The following EYS variants were observed in gnomAD, a reference collection of about 807,000 sequenced individuals.
The protein encoded by EYS is protein eyes shut homolog.
In EYS, 250 loss-of-function variants were observed where a neutral mutation model predicts 282.1. That is an observed-to-expected ratio of 0.89 (90% CI 0.80 to 0.98). The LOEUF (loss-of-function observed/expected upper bound fraction) is 0.98, where lower values mean the gene tolerates loss of function less well. Ranked by LOEUF, EYS falls within the 50% of genes least tolerant of loss-of-function variation. The pLI, the probability that EYS is intolerant of heterozygous loss-of-function variation, is 0.00. For missense variants in EYS, 4,016 were observed against 3,709.0 expected (o/e 1.08, Z -2.15); for synonymous variants, 1,355 against 1,282.9 (o/e 1.06, Z -1.20).
At chr6:63,863,668 C>CTTT (rs201931771) in intron 36 of EYS, among the ~76,000 whole-genome samples, 2 of 69,334 alleles carry the variant, frequency 2.9e-5, no homozygotes, top group South Asian at 3.9e-4. Flanking sequence ...CTTTTCTTTT[C>CTTT]TTTTTTCTTT....
chr6:65,612,192 C>T (rs930407858), intron 2 of EYS, among the ~76,000 whole-genome samples: 2 of 150,522 alleles, frequency 1.3e-5, no homozygotes, highest in South Asian at 2.1e-4. Context: ...TGAATGTAAA[C>T]CCTGTATATA....
At chr6:64,793,624 G>A (rs1201110524) in intron 22 of EYS, among the ~76,000 whole-genome samples, 2 of 151,940 alleles carry the variant, frequency 1.3e-5, no homozygotes, top group African/African-American at 4.8e-5. Context: ...TTTTATTTAC[G>A]GTTTCAAATT....
intron 33 of EYS, among the ~76,000 whole-genome samples, chr6:64,042,113 C>T (rs1290219332): frequency 2.6e-5 from 4 of 152,020 alleles, no homozygotes; most frequent in South Asian, 2.1e-4. Context: ...TGAACGAGAG[C>T]GGAAATTTCT....
intron 31 of EYS, among the ~76,000 whole-genome samples, chr6:64,085,868 G>T (rs1232018559): frequency 6.6e-6 from 1 of 152,116 alleles, no homozygotes; most frequent in Non-Finnish European, 1.5e-5. Flanking sequence ...TATTGAATCT[G>T]TTTTTTCAAA....
intron 14 of EYS, among the ~76,000 whole-genome samples, chr6:64,954,105 A>G (rs1769607634): frequency 6.6e-6 from 1 of 151,990 alleles, no homozygotes; most frequent in Non-Finnish European, 1.5e-5. Flanking sequence ...TCCTATATCT[A>G]GTAAATCTAC....
chr6:64,933,308 C>G lies in EYS; in HGVS notation c.2381+12485G>C, dbSNP rs748668011. On this transcript the variant is annotated intron_variant, in intron 15 of 42. Coordinates refer to ENST00000503581, the MANE Select transcript of EYS (RefSeq NM_001142800.2). Reference sequence around the variant, plus strand: ...ATGTAAAAGAGAAAAACAACGTCATCAAAAAGTGGGCAAAGGATAGGAACA... The same window carrying G: ...ATGTAAAAGAGAAAAACAACGTCATGAAAAAGTGGGCAAAGGATAGGAACA... Among the ~76,000 whole-genome samples, 77 of 151,798 alleles carry G rather than the reference C, an allele frequency of 5.1e-4. 1 individual carries two copies. Among genetic ancestry groups the G allele is most frequent in the Admixed American group, 8.5e-4 (13 of 15,240 alleles).
chr6:64,353,024 A>G (rs1054351079), intron 29 of EYS, among the ~76,000 whole-genome samples: 3 of 151,516 alleles, frequency 2.0e-5, no homozygotes, highest in Admixed American at 6.6e-5. Context: ...ATGGCTGAAG[A>G]AGTCATATCC....
At chr6:64,880,134 C>T (rs571773398) in intron 19 of EYS, among the ~76,000 whole-genome samples, 4 of 151,916 alleles carry the variant, frequency 2.6e-5, no homozygotes, top group Admixed American at 6.6e-5. Context: ...ACACAGGGCC[C>T]TCATTACACA....
intron 12 of EYS, among the ~76,000 whole-genome samples, chr6:65,255,148 C>G (rs1008081097): frequency 4.0e-5 from 6 of 151,742 alleles, no homozygotes; most frequent in African/African-American, 1.5e-4. Context: ...GCTATTGTAA[C>G]CAAAATAGCA....
chr6:65,555,633 C>T (rs914321414), intron 2 of EYS, among the ~76,000 whole-genome samples: 3 of 152,076 alleles, frequency 2.0e-5, no homozygotes, highest in African/African-American at 7.2e-5. Flanking sequence ...ATTTTTTAGT[C>T]TTAAAACACT....
intron 31 of EYS, among the ~76,000 whole-genome samples, chr6:64,220,498 G>T (rs1766067262): frequency 6.6e-6 from 1 of 152,150 alleles, no homozygotes; most frequent in Admixed American, 6.6e-5. Flanking sequence ...GCCATTGGAT[G>T]AGGGGTAGTT....
chr6:64,617,448 G>A lies in EYS; in HGVS notation c.3654C>T (p.Gly1218=). 5.8e-6 allele frequency: 9 copies of A among 1,550,356 alleles called. No homozygotes were observed. Among genetic ancestry groups the A allele is most frequent in the Non-Finnish European group, 7.9e-6 (9 of 1,145,994 alleles). Residue 1218 remains glycine, a synonymous_variant, in exon 24 of 43, where the codon GGC becomes GGT. Transcript: ENST00000503581. ...VHELCMENEP[G]STCLCTPGFM... ...ATCCAGGTGTGCATAAACATGTCGA[G>A]CCAGGTTCATTCTCCATGCAGAGTT... is the stretch of plus-strand genomic sequence containing the variant.
intron 35 of EYS, among the ~76,000 whole-genome samples, chr6:63,889,846 G>T (rs982134621): frequency 6.6e-6 from 1 of 151,978 alleles, no homozygotes; most frequent in Non-Finnish European, 1.5e-5. Context: ...TAAGAGTCAA[G>T]ACTTCTCAGT....
intron 1 of EYS, among the ~76,000 whole-genome samples, chr6:65,660,538 CAG>C (rs1282647103): frequency 6.6e-6 from 1 of 151,648 alleles, no homozygotes. Flanking sequence ...CATCTAAAGA[CAG>C]ATATCCATAT....
intron 9 of EYS, among the ~76,000 whole-genome samples, chr6:65,345,296 A>C (rs9354231): frequency 0.2 from 30,816 of 151,658 alleles, 3,930 homozygotes; most frequent in Admixed American, 0.27. Flanking sequence ...AACACAAGAG[A>C]AGAAAAGATC....
At chr6:65,585,395 A>C (rs943791564) in intron 2 of EYS, among the ~76,000 whole-genome samples, 8 of 151,956 alleles carry the variant, frequency 5.3e-5, no homozygotes, top group African/African-American at 1.9e-4. Flanking sequence ...GGAATTTAAG[A>C]CTTGCTTCAA....
At chr6:64,304,903 C>T (rs1300228123) in intron 30 of EYS, among the ~76,000 whole-genome samples, 4 of 152,146 alleles carry the variant, frequency 2.6e-5, no homozygotes, top group Middle Eastern at 6.8e-3. Flanking sequence ...GCCATTAATG[C>T]TTGTGTTAAA....
chr6:64,553,545 A>ACC (rs10541994), intron 26 of EYS, among the ~76,000 whole-genome samples: 2,943 of 46,294 alleles, frequency 0.064, 506 homozygotes, highest in South Asian at 0.098. Context: ...CTTTTGTTTG[A>ACC]CCCCCCCCCC....
At chr6:65,102,498 T>C (rs901283544) in intron 12 of EYS, among the ~76,000 whole-genome samples, 3 of 151,312 alleles carry the variant, frequency 2.0e-5, no homozygotes, top group Admixed American at 1.3e-4. Context: ...ACTTTTTTTA[T>C]GTAGCTATAA....
Sources: gnomAD v4.1 joint callset for allele counts (sites outside exome capture counted in the v4.1 genomes callset) on GRCh38, gnomAD v4.1.1 for gene constraint, MANE v1.5 for transcripts, NCBI Gene and HGNC (gene_info 2026-07-23, HGNC 2026-07-21) for gene names.